KLHL29: variants seen among roughly 807,000 people sequenced by gnomAD.
KLHL29 encodes the protein kelch-like protein 29.
Under a neutral mutation model 80.4 loss-of-function variants are expected in KLHL29, and 21 were observed. The ratio of observed to expected loss-of-function variants is 0.26; its 90% confidence interval spans 0.19 to 0.38. The LOEUF (loss-of-function observed/expected upper bound fraction) is 0.38. KLHL29 is among the 10% of genes least tolerant of loss of function. The pLI is 1.00. For missense variants in KLHL29, 867 were observed against 1,223.9 expected (o/e 0.71, Z 4.35); for synonymous variants, 511 against 526.8 (o/e 0.97, Z 0.41).
At chr2:23,408,263 T>TGAAAAA (rs1220731327) in intron 1 of KLHL29, among the ~76,000 whole-genome samples, 3 of 52,678 alleles carry the variant, frequency 5.7e-5, no homozygotes, top group African/African-American at 1.9e-4. Flanking sequence ...CATTTCACGC[T>TGAAAAA]AAAAAAAAAA....
intron 2 of KLHL29, among the ~76,000 whole-genome samples, chr2:23,520,114 G>C (rs1327173040): frequency 6.6e-6 from 1 of 152,180 alleles, no homozygotes; most frequent in African/African-American, 2.4e-5. Context: ...GTGGCAGAGA[G>C]AGGAGGACGG....
intron 11 of KLHL29, chr2:23,697,242 G>A (rs940332585): frequency 2.0e-5 from 3 of 152,352 alleles, no homozygotes; most frequent in African/African-American, 4.8e-5. Context: ...GGGTGCTTCC[G>A]GATGAGAATA....
intron 3 of KLHL29, among the ~76,000 whole-genome samples, chr2:23,571,922 C>T (rs1667726073): frequency 2.0e-5 from 3 of 152,210 alleles, no homozygotes; most frequent in Non-Finnish European, 4.4e-5. Context: ...CCGTGGGTGC[C>T]TCCTCTCTCT....
intron 1 of KLHL29, among the ~76,000 whole-genome samples, chr2:23,400,548 G>C (rs145381543): frequency 1.3e-5 from 2 of 152,252 alleles, no homozygotes; most frequent in Non-Finnish European, 2.9e-5. Flanking sequence ...GAGCCATGCA[G>C]CTGGGCACCG....
At chr2:23,422,567 A>G (rs1489746978) in intron 1 of KLHL29, among the ~76,000 whole-genome samples, 1 of 132,706 alleles carries the variant, frequency 7.5e-6, no homozygotes, top group Non-Finnish European at 1.6e-5. Flanking sequence ...GTGCCTGTGT[A>G]TGTGTCCCTG....
At position 23,639,263 on chromosome 2, in the gene KLHL29, G is replaced by A. The variant is rs1267213876; in HGVS notation, c.410G>A (p.Arg137Lys). 7.8e-6 allele frequency: 12 copies of A among 1,547,800 alleles called. No homozygotes were observed. The African/African-American group carries it at 8.2e-5, about 11-fold the overall frequency. Residue 137 changes from arginine (R) to lysine (K), a missense_variant, in exon 4 of 14, where the codon AGA becomes AAA. Arg to Lys is a conservative substitution (Grantham distance 26). Around this residue, in one of 2 missense-constraint regions of KLHL29, gnomAD observed 424 missense variants for 456.9 expected, o/e 0.93. Coordinates refer to ENST00000486442, the MANE Select transcript of KLHL29 (RefSeq NM_052920.2). ...DTDEPPSKQM[R>K]ESDNPGTGPW... The stretch of plus-strand genomic sequence containing the variant: ...GATGAGCCACCCTCCAAACAGATGA[G>A]AGAGAGTGACAATCCAGGTACGTAC...
intron 3 of KLHL29, chr2:23,616,824 A>G (rs1669020579): frequency 6.6e-6 from 1 of 152,254 alleles, no homozygotes; most frequent in Admixed American, 6.5e-5. Flanking sequence ...TCCCGGGGTC[A>G]TTCACAGCAG....
intron 1 of KLHL29, among the ~76,000 whole-genome samples, chr2:23,466,071 G>A (rs1664344154): frequency 1.3e-5 from 2 of 151,972 alleles, no homozygotes; most frequent in Non-Finnish European, 2.9e-5. Flanking sequence ...AATGCCAAGA[G>A]TACACTCTTT....
intron 2 of KLHL29, among the ~76,000 whole-genome samples, chr2:23,477,042 A>C (rs1161797956): frequency 1.3e-5 from 2 of 152,282 alleles, no homozygotes; most frequent in Non-Finnish European, 2.9e-5. Context: ...GATCCAGGAC[A>C]GTGGAGGCCC....
intron 3 of KLHL29, among the ~76,000 whole-genome samples, chr2:23,638,800 G>A (rs1293423781): frequency 1.3e-5 from 2 of 152,204 alleles, no homozygotes; most frequent in Non-Finnish European, 2.9e-5. Context: ...ATGGTCCGAG[G>A]GCCAGAGAAC....
chr2:23,523,927 A>G (rs761946971), intron 2 of KLHL29: 2 of 462,632 alleles, frequency 4.3e-6, no homozygotes, highest in South Asian at 3.1e-5. Flanking sequence ...AAGAGGAAAG[A>G]GGGACCTTGA....
intron 1 of KLHL29, among the ~76,000 whole-genome samples, chr2:23,456,903 G>A (rs769547774): frequency 6.6e-6 from 1 of 152,214 alleles, no homozygotes; most frequent in Non-Finnish European, 1.5e-5. Context: ...ACGGGGACTT[G>A]CGGAGACAGC....
chr2:23,392,962 G>A (rs1323174742), intron 1 of KLHL29, among the ~76,000 whole-genome samples: 2 of 152,230 alleles, frequency 1.3e-5, no homozygotes, highest in South Asian at 2.1e-4. Flanking sequence ...TCCATTTACT[G>A]TGGTTTCTGG....
At chr2:23,602,750 G>A (rs909317637) in intron 3 of KLHL29, among the ~76,000 whole-genome samples, 2 of 151,630 alleles carry the variant, frequency 1.3e-5, no homozygotes, top group Non-Finnish European at 2.9e-5. Context: ...CACCACTCCC[G>A]ACCTCTACAT....
intron 1 of KLHL29, among the ~76,000 whole-genome samples, chr2:23,418,759 G>A (rs1418306388): frequency 1.3e-5 from 2 of 151,950 alleles, no homozygotes; most frequent in African/African-American, 2.4e-5. Flanking sequence ...TGTTTCATCT[G>A]TGAGTCAGGG....
intron 1 of KLHL29, among the ~76,000 whole-genome samples, chr2:23,466,289 G>T (rs1402188889): frequency 6.6e-6 from 1 of 152,224 alleles, no homozygotes; most frequent in Non-Finnish European, 1.5e-5. Flanking sequence ...TCTCAATGGA[G>T]TGCAATGTGT....
chr2:23,422,359 TTG>T (rs529053852), intron 1 of KLHL29, among the ~76,000 whole-genome samples: 2 of 150,590 alleles, frequency 1.3e-5, no homozygotes, highest in African/African-American at 4.9e-5. Context: ...TGTGTTGTGT[TTG>T]TGTGTGTGTG....
At chr2:23,694,464 C>T (rs929748949) in intron 8 of KLHL29, among the ~76,000 whole-genome samples, 2 of 152,208 alleles carry the variant, frequency 1.3e-5, no homozygotes, top group Non-Finnish European at 1.5e-5. Flanking sequence ...ACCCTCCAGC[C>T]TGAGCGGTCT....
intron 3 of KLHL29, among the ~76,000 whole-genome samples, chr2:23,615,449 G>T (rs954945709): frequency 1.3e-5 from 2 of 152,128 alleles, no homozygotes; most frequent in African/African-American, 4.8e-5. Context: ...AGGACACTCG[G>T]AGCATCTCAT....
Sources: allele counts gnomAD v4.1 joint callset (sites outside exome capture counted in the v4.1 genomes callset), GRCh38; gene constraint gnomAD v4.1.1; regional missense constraint gnomAD v4.1.1; transcripts MANE v1.5; gene names NCBI Gene and HGNC (gene_info 2026-07-23, HGNC 2026-07-21).